The following ZNF385B variants were observed in gnomAD, a reference collection of about 807,000 sequenced individuals.
ZNF385B encodes the protein zinc finger protein 385B.
A neutral mutation model predicts 39.2 loss-of-function variants in ZNF385B; 23 were observed. The ratio of observed to expected loss-of-function variants is 0.59; its 90% CI spans 0.42 to 0.83. The LOEUF (loss-of-function observed/expected upper bound fraction) is 0.83, where lower values mean the gene tolerates loss of function less well. Among genes scored for constraint, ZNF385B ranks in the 40% least tolerant of loss-of-function variants. The pLI, the probability that ZNF385B is intolerant of heterozygous loss-of-function variation, is 0.00. For synonymous variants in ZNF385B, 205 were observed against 222.6 expected, an observed-to-expected ratio of 0.92 and a Z score of 0.70; for missense variants, 552 against 598.9, an observed-to-expected ratio of 0.92 and a Z score of 0.82.
intron 3 of ZNF385B, among the ~76,000 whole-genome samples, chr2:179,755,953 G>C (rs1702987672): frequency 6.6e-6 from 1 of 152,144 alleles, no homozygotes; most frequent in Non-Finnish European, 1.5e-5. Flanking sequence ...ATATTGTTAT[G>C]TGTGAATTTG....
intron 3 of ZNF385B, among the ~76,000 whole-genome samples, chr2:179,703,090 C>T (rs1699331209): frequency 6.6e-6 from 1 of 152,238 alleles, no homozygotes; most frequent in African/African-American, 2.4e-5. Context: ...ATAACCTTGG[C>T]TCTTCTTTTT....
intron 5 of ZNF385B, among the ~76,000 whole-genome samples, chr2:179,512,734 C>G (rs570310664): frequency 1.5e-3 from 229 of 152,266 alleles, no homozygotes; most frequent in African/African-American, 5.2e-3. Context: ...TGAGGTGATA[C>G]ACACATTTGT....
chr2:179,845,314 G>C (rs1708745147), intron 1 of ZNF385B, among the ~76,000 whole-genome samples: 1 of 152,116 alleles, frequency 6.6e-6, no homozygotes, highest in Non-Finnish European at 1.5e-5. Context: ...GGGGATATAA[G>C]ACAGGTAAGA....
chr2:179,857,999 C>T (rs1049966376), intron 1 of ZNF385B, among the ~76,000 whole-genome samples: 7 of 152,188 alleles, frequency 4.6e-5, no homozygotes, highest in Middle Eastern at 3.4e-3. Context: ...AGTTTACTAG[C>T]CAGTGATTAA....
At chr2:179,526,271 A>C (rs2058889224) in intron 4 of ZNF385B, among the ~76,000 whole-genome samples, 1 of 151,760 alleles carries the variant, frequency 6.6e-6, no homozygotes, top group African/African-American at 2.4e-5. Context: ...ACTATTTTGG[A>C]TTTCAATTCA....
In ZNF385B at chr2:179,442,070, A is replaced by G. The variant is rs1467525047; in HGVS notation, c.*1180T>C. ...TACAGGTTGCAGATATAGATGCTCT[A>G]AAAGAGTCCACTCTATTTTGTTGTT... On this transcript the variant is annotated 3_prime_UTR_variant, in exon 10 of 10. Transcript: ENST00000410066. 1 of 152,660 alleles carries G rather than the reference A, an allele frequency of 6.6e-6. No homozygotes were observed. The highest frequency in any genetic ancestry group is 6.5e-5 in the Admixed American group (1 of 15,280). The allele number at this position is 152,660 out of a possible 1,614,324, so 9.5% of individuals were successfully genotyped here. A position where few individuals can be genotyped will look rare whatever the true frequency, so the allele number is the denominator to read the frequency against.
chr2:179,846,757 C>T (rs1016264910), intron 1 of ZNF385B, among the ~76,000 whole-genome samples: 2 of 152,228 alleles, frequency 1.3e-5, no homozygotes, highest in East Asian at 3.9e-4. Context: ...GATTCTGTAG[C>T]TTTCAGGCAG....
At chr2:179,588,208 C>T (rs1164939041) in intron 3 of ZNF385B, among the ~76,000 whole-genome samples, 2 of 152,118 alleles carry the variant, frequency 1.3e-5, no homozygotes, top group Non-Finnish European at 2.9e-5. Flanking sequence ...CCTGCCTCAG[C>T]CTCCCGAGTA....
rs557493914 is a variant in ZNF385B at position 179,690,930 on chromosome 2, C to G, written c.298+78573G>C. 7.2e-5 allele frequency among the ~76,000 whole-genome samples: 11 copies of G among 152,302 alleles called. No individual in the cohort carries two copies. In the South Asian group the frequency reaches 2.1e-3, roughly 29 times the overall value. ...GTGCTTGAATCTGGGTGCACTCGAT[C>G]AGTTTCCTGAACACTGATTTAGATC... On this transcript the variant is annotated intron_variant, in intron 3 of 9. Coordinates refer to ENST00000410066, the MANE Select transcript of ZNF385B (RefSeq NM_152520.6).
At chr2:179,739,945 T>C (rs1701990753) in intron 3 of ZNF385B, among the ~76,000 whole-genome samples, 1 of 152,114 alleles carries the variant, frequency 6.6e-6, no homozygotes, top group Admixed American at 6.6e-5. Context: ...CAAAAGCTCC[T>C]AGATTAAGAG....
chr2:179,719,994 T>A (rs1161740401), intron 3 of ZNF385B, among the ~76,000 whole-genome samples: 1 of 152,252 alleles, frequency 6.6e-6, no homozygotes. Context: ...CAGGTCTGTA[T>A]GTTAATTAAC....
At chr2:179,504,954 G>A (rs1246564662) in intron 5 of ZNF385B, among the ~76,000 whole-genome samples, 1 of 152,024 alleles carries the variant, frequency 6.6e-6, no homozygotes, top group Non-Finnish European at 1.5e-5. Flanking sequence ...GCAACACTGG[G>A]GATTAGGAGT....
chr2:179,748,874 C>T (rs1276165156), intron 3 of ZNF385B, among the ~76,000 whole-genome samples: 3 of 152,000 alleles, frequency 2.0e-5, no homozygotes, highest in Non-Finnish European at 2.9e-5. Context: ...TCCTGGGTGC[C>T]TTTTGGGGCC....
chr2:179,787,718 A>G (rs982077559), intron 1 of ZNF385B, among the ~76,000 whole-genome samples: 3 of 152,182 alleles, frequency 2.0e-5, no homozygotes, highest in African/African-American at 7.2e-5. Flanking sequence ...TCTTATCAGA[A>G]GCAGAACAGG....
chr2:179,498,032 C>T (rs1344989896), intron 5 of ZNF385B, among the ~76,000 whole-genome samples: 2 of 152,024 alleles, frequency 1.3e-5, no homozygotes, highest in South Asian at 2.1e-4. Context: ...TATACATGCA[C>T]CCAACATGGG....
chr2:179,560,661 T>G (rs756436241), intron 3 of ZNF385B, among the ~76,000 whole-genome samples: 1 of 152,156 alleles, frequency 6.6e-6, no homozygotes, highest in Non-Finnish European at 1.5e-5. Context: ...CTCTCCTGTA[T>G]GTAGCATCTC....
chr2:179,698,846 T>C (rs892847053), intron 3 of ZNF385B, among the ~76,000 whole-genome samples: 2 of 152,182 alleles, frequency 1.3e-5, no homozygotes, highest in Non-Finnish European at 2.9e-5. Context: ...ACCATTACAT[T>C]AAACTACAAG....
At position 179,807,863 on chromosome 2, in the gene ZNF385B, C is replaced by T. The variant is rs191175686; in HGVS notation, c.-154-37191G>A. Among the ~76,000 whole-genome samples, 1,341 of 138,292 alleles carry T rather than the reference C, an allele frequency of 9.7e-3. 23 individuals carry two copies. Among genetic ancestry groups the T allele is most frequent in the African/African-American group, 0.034 (1,255 of 36,692 alleles). 90.7% of individuals were successfully genotyped at this position (138,292 alleles called of 152,430 possible). On this transcript the variant is annotated intron_variant, in intron 1 of 9. Coordinates refer to ENST00000410066, the MANE Select transcript of ZNF385B (RefSeq NM_152520.6). ...TGAGCTGAGATCACGCCACTGCACT[C>T]CAACCTGGGCGACAGAGCGAGACTC...
At chr2:179,493,358 T>C (rs1445723447) in intron 5 of ZNF385B, among the ~76,000 whole-genome samples, 1 of 138,990 alleles carries the variant, frequency 7.2e-6, no homozygotes, top group African/African-American at 2.5e-5. Context: ...CATGTATATA[T>C]ATATGTAGGT....
Sources: allele counts gnomAD v4.1 joint callset (sites outside exome capture counted in the v4.1 genomes callset), GRCh38; gene constraint gnomAD v4.1.1; transcripts MANE v1.5; gene names NCBI Gene and HGNC (gene_info 2026-07-23, HGNC 2026-07-21).